SMAD9: variants seen among roughly 807,000 people sequenced by gnomAD.
The protein encoded by SMAD9 is SMAD family member 9.
Under a neutral mutation model 46.1 loss-of-function variants are expected in SMAD9, and 36 were observed. The observed-to-expected ratio is 0.78, with a 90% CI of 0.60 to 1.03. The LOEUF (loss-of-function observed/expected upper bound fraction) is 1.03, where lower values mean the gene tolerates loss of function less well. SMAD9 is among the 50% of genes least tolerant of loss of function. SMAD9 has a pLI of 0.00. For synonymous variants in SMAD9, 245 were observed against 237.1 expected (o/e 1.03, Z -0.31); for missense variants, 572 against 599.8 (o/e 0.95, Z 0.48).
At position 36,852,281 on chromosome 13, in the gene SMAD9, A is replaced by T. The variant is rs2058080912; in HGVS notation, c.1260+1138T>A. ...GCTAATAAAATTTACTTTGAAAAAA[A>T]TGCCTGGAACAAGCCATGCTGATTC... is the stretch of plus-strand genomic sequence containing the variant. On this transcript the variant is annotated intron_variant, in intron 6 of 6. Transcript: ENST00000379826. 5.1e-6 allele frequency: 5 copies of T among 984,002 alleles called. No individual in the cohort carries two copies. In the South Asian group the frequency reaches 2.4e-4, roughly 46 times the overall value. The allele number at this position is 984,002 out of a possible 1,614,324, so 61.0% of individuals were successfully genotyped here. A position where few individuals can be genotyped will look rare whatever the true frequency, so the allele number is the denominator to read the frequency against.
intron 1 of SMAD9, among the ~76,000 whole-genome samples, chr13:36,917,941 A>G (rs1437338881): frequency 2.0e-5 from 3 of 152,200 alleles, no homozygotes; most frequent in Non-Finnish European, 4.4e-5. Context: ...CATCTTTATG[A>G]AACAATTTCT....
intron 1 of SMAD9, among the ~76,000 whole-genome samples, chr13:36,896,433 G>A (rs992567788): frequency 1.7e-4 from 26 of 152,016 alleles, no homozygotes; most frequent in South Asian, 6.2e-4. Context: ...AGACCCGGCC[G>A]ATTTTTTATT....
chr13:36,879,142 C>G (rs2058375270), intron 2 of SMAD9, 136 bp downstream of exon 2: 1 of 783,862 alleles, frequency 1.3e-6, no homozygotes, highest in Non-Finnish European at 2.0e-6. Context: ...TCCCTCAAAA[C>G]TGAACCTCCC....
intron 2 of SMAD9, among the ~76,000 whole-genome samples, chr13:36,876,194 G>A (rs925231448): frequency 3.9e-5 from 6 of 152,012 alleles, no homozygotes; most frequent in African/African-American, 1.5e-4. Flanking sequence ...GGGAGACAGC[G>A]GAAGGAGTTA....
Position 36,872,681 on chromosome 13 carries a change from G to A in SMAD9, c.647C>T (p.Pro216Leu). 6.2e-7 allele frequency: 1 copy of A among 1,613,982 alleles called. No homozygotes were observed. Among genetic ancestry groups the A allele is most frequent in the Non-Finnish European group, 8.5e-7 (1 of 1,179,986 alleles). ...ACCTGAGTGTTGATAGGGACTCTCT[G>A]GCTCAGAAGGACTTCCTGGGGAGTG... ...YPHSPGSPSEPESPYQHSVDT... is the reference protein window; with the variant it reads ...YPHSPGSPSELESPYQHSVDT... The change falls in exon 3 of 7, where the codon CCA becomes CTA. Residue 216 changes from proline to leucine, a missense_variant. Pro to Leu is a moderately conservative substitution (Grantham distance 98, BLOSUM62 -3). Coordinates refer to ENST00000379826, the MANE Select transcript of SMAD9 (RefSeq NM_001127217.3).
At position 36,848,768 on chromosome 13, in the gene SMAD9, T is replaced by C; in HGVS notation, c.1312A>G (p.Ile438Val). 6.2e-7 allele frequency: 1 copy of C among 1,613,784 alleles called. No homozygotes were observed. Among genetic ancestry groups the C allele is most frequent in the Non-Finnish European group, 8.5e-7 (1 of 1,179,792 alleles). ...RQDVTSTPCW[I>V]EIHLHGPLQW... ...AGTGGCCCATGAAGATGAATCTCAA[T>C]CCAGCAGGGGGTGCTGGTGACATCC... The change falls in exon 7 of 7, where the codon ATT becomes GTT. Residue 438 changes from isoleucine to valine, a missense_variant. Physicochemically the swap from Ile to Val is conservative, Grantham distance 29. Coordinates refer to ENST00000379826, the MANE Select transcript of SMAD9 (RefSeq NM_001127217.3).
intron 1 of SMAD9, among the ~76,000 whole-genome samples, chr13:36,885,149 A>T (rs759642295): frequency 1.3e-5 from 2 of 152,236 alleles, no homozygotes; most frequent in Non-Finnish European, 2.9e-5. Flanking sequence ...ATCCCCTCCA[A>T]GAAACATATT....
At position 36,886,755 on chromosome 13, in the gene SMAD9, A is replaced by G. The variant is rs141682084; in HGVS notation, c.-186-6880T>C. On this transcript the variant is annotated intron_variant, in intron 1 of 6. Coordinates refer to ENST00000379826, the MANE Select transcript of SMAD9 (RefSeq NM_001127217.3). The stretch of plus-strand genomic sequence containing the variant: ...GGACCTGCTTGGACTTCTGGTGAAG[A>G]CCCCTTGAGGAGGTGACAATGAGAT... Among the ~76,000 whole-genome samples, 77 of 152,254 alleles carry G rather than the reference A, an allele frequency of 5.1e-4. 1 individual carries two copies. Among genetic ancestry groups the G allele is most frequent in the African/African-American group, 1.7e-3 (70 of 41,546 alleles).
chr13:36,868,285 A>C (rs1307951562), intron 3 of SMAD9, among the ~76,000 whole-genome samples: 1 of 152,258 alleles, frequency 6.6e-6, no homozygotes, highest in Non-Finnish European at 1.5e-5. Context: ...AACATGCCCC[A>C]ATGGCAATTC....
At chr13:36,896,684 T>A (rs968176223) in intron 1 of SMAD9, among the ~76,000 whole-genome samples, 1 of 152,184 alleles carries the variant, frequency 6.6e-6, no homozygotes, top group Non-Finnish European at 1.5e-5. Context: ...TAGAAAAATA[T>A]GGAAAAGTTC....
intron 1 of SMAD9, among the ~76,000 whole-genome samples, chr13:36,911,575 G>A (rs2138695295): frequency 6.9e-6 from 1 of 144,154 alleles, no homozygotes; most frequent in South Asian, 2.3e-4. Context: ...TTTTATAGAT[G>A]TGTGTCTCGA....
At chr13:36,862,982 C>T (rs1242197524) in intron 5 of SMAD9, among the ~76,000 whole-genome samples, 1 of 152,208 alleles carries the variant, frequency 6.6e-6, no homozygotes, top group Non-Finnish European at 1.5e-5. Context: ...TTGCATCCCT[C>T]GTGTCCAGTC....
rs2058044295 is a variant in SMAD9 at position 36,847,424 on chromosome 13, A to G, written c.*1252T>C. 6.6e-6 allele frequency: 1 copy of G among 152,238 alleles called. No individual in the cohort carries two copies. The highest frequency in any genetic ancestry group is 6.5e-5 in the Admixed American group (1 of 15,282). The allele number at this position is 152,238 out of a possible 1,614,324, so 9.4% of individuals were successfully genotyped here. ...TTTGGGGGATTTTCCTCCCTCATCTAAAGTAAAATAAGAACAGGTTTTTAA... is the reference window on the plus strand; with the variant it reads ...TTTGGGGGATTTTCCTCCCTCATCTGAAGTAAAATAAGAACAGGTTTTTAA... On this transcript the variant is annotated 3_prime_UTR_variant, in exon 7 of 7. Transcript: ENST00000379826.
At chr13:36,895,945 A>G (rs1247763622) in intron 1 of SMAD9, among the ~76,000 whole-genome samples, 1 of 152,202 alleles carries the variant, frequency 6.6e-6, no homozygotes, top group African/African-American at 2.4e-5. Context: ...GAAAGAGAAG[A>G]ACTGCAGTTT....
intron 1 of SMAD9, among the ~76,000 whole-genome samples, chr13:36,882,229 G>C (rs1019183306): frequency 2.7e-5 from 1 of 36,720 alleles, no homozygotes; most frequent in African/African-American, 2.1e-4. Context: ...GGTATGTGCT[G>C]TGTGTGTGTG....
chr13:36,915,098 T>C (rs1324840074), intron 1 of SMAD9, among the ~76,000 whole-genome samples: 1 of 152,206 alleles, frequency 6.6e-6, no homozygotes, highest in Non-Finnish European at 1.5e-5. Flanking sequence ...CCAGTGTATC[T>C]AGGGATGTGC....
At chr13:36,894,145 A>C (rs74980020) in intron 1 of SMAD9, among the ~76,000 whole-genome samples, 6,632 of 152,254 alleles carry the variant, frequency 0.044, 346 homozygotes, top group East Asian at 0.18. Context: ...TTTATTGGGC[A>C]ACCACTATGG....
At chr13:36,873,913 T>C (rs1461658513) in intron 2 of SMAD9, among the ~76,000 whole-genome samples, 2 of 152,204 alleles carry the variant, frequency 1.3e-5, no homozygotes, top group African/African-American at 4.8e-5. Flanking sequence ...TGTTTGTTCA[T>C]TTACTATGCT....
At chr13:36,865,853 C>G in intron 4 of SMAD9, 95 bp from the exon 5 acceptor site, 1 of 1,061,736 alleles carries the variant, frequency 9.4e-7, no homozygotes, top group Non-Finnish European at 1.4e-6. Flanking sequence ...TGCTTTTCAC[C>G]AGAAAGTCGG....
Sources: allele counts gnomAD v4.1 joint callset (sites outside exome capture counted in the v4.1 genomes callset), GRCh38; gene constraint gnomAD v4.1.1; transcripts MANE v1.5; gene names NCBI Gene and HGNC (gene_info 2026-07-23, HGNC 2026-07-21).